The following NLRP1 variants were observed in gnomAD, a reference collection of about 807,000 sequenced individuals.
NLRP1 encodes the protein NACHT, LRR and PYD domains-containing protein 1.
NLRP1 carries 94 observed loss-of-function variants against 136.7 expected under a neutral mutation model. The ratio of observed to expected loss-of-function variants is 0.69; its 90% confidence interval spans 0.58 to 0.82. The LOEUF is 0.82. Among genes scored for constraint, NLRP1 ranks in the 40% least tolerant of loss-of-function variants. The pLI is 0.00. For synonymous variants in NLRP1, 690 were observed against 725.1 expected, an observed-to-expected ratio of 0.95 and a Z score of 0.78; for missense variants, 1,575 against 1,802.7, an observed-to-expected ratio of 0.87 and a Z score of 2.29.
chr17:5,519,408 A>C, intron 14 of NLRP1, among the ~76,000 whole-genome samples: 1 of 146,288 alleles, frequency 6.8e-6, no homozygotes. Flanking sequence ...GAACTCCCAT[A>C]GTGCTGCGAT....
rs1234876798 is a variant in NLRP1 at position 5,536,868 on chromosome 17, C to T, written c.2943G>A (p.Leu981=). ...CCCCTTACCGTCTGCTGAAGATGAG[C>T]AGCTGAGGTTTCTCCTGCTCCAGGG... ...LRALEQEKPQ[L]LIFSRRKPSV... The change falls in exon 8 of 17, where the codon CTG becomes CTA. Residue 981 remains leucine (L), a synonymous_variant. Coordinates refer to ENST00000572272, the MANE Select transcript of NLRP1 (RefSeq NM_033004.4). The T allele has an allele frequency of 6.2e-6, 10 of 1,612,698 alleles. No homozygotes were observed. The highest frequency in any genetic ancestry group is 1.6e-4 in the Middle Eastern group (1 of 6,080).
chr17:5,524,804 T>C (rs1909324269), intron 12 of NLRP1, among the ~76,000 whole-genome samples: 1 of 152,192 alleles, frequency 6.6e-6, no homozygotes, highest in Non-Finnish European at 1.5e-5. Context: ...TTTGCTGAAT[T>C]CCAGAAGGTG....
chr17:5,510,955 C>T (rs1360924204), downstream of NLRP1, among the ~76,000 whole-genome samples: 3 of 152,132 alleles, frequency 2.0e-5, no homozygotes, highest in Non-Finnish European at 4.4e-5. Flanking sequence ...TACCAGCTCG[C>T]CCAGAACAAC....
rs12950235 is a variant in NLRP1 at position 5,558,815 on chromosome 17, T to C, written c.1881A>G (p.Gln627=). 0.05 allele frequency: 80,347 copies of C among 1,614,072 alleles called. 2,374 individuals carry two copies. Among genetic ancestry groups the C allele is most frequent in the African/African-American group, 0.12 (8,635 of 75,004 alleles). The part of the protein sequence containing the change: ...LSYSFIHLCF[Q]EFFAAMSYVL... ...CATAGGACATTGCTGCAAAGAACTC[T>C]TGGAAACAGAGGTGAATGAAGCTGT... The change falls in exon 4 of 17, where the codon CAA becomes CAG. Residue 627 remains glutamine (Q), a synonymous_variant. Transcript: ENST00000572272.
chr17:5,544,716 T>C (rs893676632), intron 5 of NLRP1, among the ~76,000 whole-genome samples: 1 of 152,256 alleles, frequency 6.6e-6, no homozygotes, highest in Non-Finnish European at 1.5e-5. Flanking sequence ...ACTTTCATCC[T>C]GACTTTTGAG....
chr17:5,528,010 A>G (rs1327278393), intron 12 of NLRP1, among the ~76,000 whole-genome samples: 1 of 152,206 alleles, frequency 6.6e-6, no homozygotes, highest in Non-Finnish European at 1.5e-5. Context: ...CTGGTGGTAC[A>G]TTCTGGCTCC....
chr17:5,511,990 G>T, downstream of NLRP1: 1 of 518,354 alleles, frequency 1.9e-6, no homozygotes, highest in Admixed American at 3.0e-5. Context: ...AAGTGGGCCT[G>T]GTTTAGAAAG....
chr17:5,539,162 C>T (rs184191439), intron 7 of NLRP1, among the ~76,000 whole-genome samples: 8 of 152,330 alleles, frequency 5.3e-5, no homozygotes, highest in South Asian at 4.1e-4. Context: ...TGAGCCACCA[C>T]GCCCTGCCTG....
intron 4 of NLRP1, among the ~76,000 whole-genome samples, chr17:5,555,551 T>C (rs991782762): frequency 2.0e-5 from 3 of 151,850 alleles, no homozygotes; most frequent in African/African-American, 7.3e-5. Flanking sequence ...CCAGCCCCCA[T>C]CCCCCGGCCA....
At chr17:5,574,752 C>T (rs1904835808) in intron 3 of NLRP1, among the ~76,000 whole-genome samples, 1 of 151,450 alleles carries the variant, frequency 6.6e-6, no homozygotes, top group Admixed American at 6.6e-5. Flanking sequence ...AGCTCCGCCT[C>T]CCAGGTTCAT....
chr17:5,507,590 C>T lies in NLRP1; in HGVS notation c.4070-5718G>A, dbSNP rs538426164. 2.0e-3 allele frequency among the ~76,000 whole-genome samples: 306 copies of T among 152,032 alleles called. 3 individuals are homozygous for T. The highest frequency in any genetic ancestry group is 0.017 in the Admixed American group (252 of 15,272). On this transcript the variant is annotated intron_variant, in intron 15 of 15. Coordinates refer to the NLRP1 transcript ENST00000262467. ...CACGCCTGTAATCCCACTGGGAGGC[C>T]GAGGCGGGTAGATCACGAGGTCAGG...
At chr17:5,562,797 C>T (rs1914906014) in intron 3 of NLRP1, among the ~76,000 whole-genome samples, 1 of 152,216 alleles carries the variant, frequency 6.6e-6, no homozygotes, top group South Asian at 2.1e-4. Flanking sequence ...TGGCTGGTGC[C>T]ATGTGTGAGT....
chr17:5,569,668 A>G (rs1031128652), intron 3 of NLRP1, among the ~76,000 whole-genome samples: 5 of 152,194 alleles, frequency 3.3e-5, no homozygotes, highest in Admixed American at 3.3e-4. Context: ...ACCATATAGT[A>G]ATAATGGGAG....
Position 5,517,685 on chromosome 17 carries a change from T to A in NLRP1, c.4057+61A>T, listed in dbSNP as rs56750129. On this transcript the variant is annotated intron_variant, in intron 15 of 16. Transcript: ENST00000572272. ...ACAGGCGTGAGCCACTGTGCCCAGCTCCTTCATTGATTTTCTTTCTCCTCC... is the reference window on the plus strand; with the variant it reads ...ACAGGCGTGAGCCACTGTGCCCAGCACCTTCATTGATTTTCTTTCTCCTCC... The A allele has an allele frequency of 0.4, 636,209 of 1,588,956 alleles. 129,225 individuals carry two copies. Among genetic ancestry groups the A allele is most frequent in the Admixed American group, 0.42 (24,584 of 59,218 alleles).
chr17:5,520,065 C>A (rs1008026814), intron 14 of NLRP1, among the ~76,000 whole-genome samples: 4 of 151,476 alleles, frequency 2.6e-5, no homozygotes, highest in Admixed American at 6.6e-5. Context: ...CCATGTTGGC[C>A]AGGCTGGTCT....
rs759288624 is a variant in NLRP1 at position 5,504,353 on chromosome 17, C to T, written c.4070-2481G>A. 1 of 152,136 alleles carries T rather than the reference C, an allele frequency of 6.6e-6. No individual in the cohort carries two copies. The highest frequency in any genetic ancestry group is 1.5e-5 in the Non-Finnish European group (1 of 68,056). The allele number at this position is 152,136 out of a possible 1,614,324, so 9.4% of individuals were successfully genotyped here. On this transcript the variant is annotated intron_variant, in intron 15 of 15. Transcript: ENST00000262467. This position sits in a 1 kb window ranked among gnomAD's most constrained non-coding sequence, Gnocchi z 4.4. ...GACTGCTGGGGGCCGGGTGTGGTGG[C>T]TCACATCTGTAATCCCAGCACTTTG...
At chr17:5,556,248 G>C (rs1436637444) in intron 4 of NLRP1, among the ~76,000 whole-genome samples, 1 of 152,066 alleles carries the variant, frequency 6.6e-6, no homozygotes, top group Non-Finnish European at 1.5e-5. Flanking sequence ...CCAGGAGTTT[G>C]AGACCAGCTT....
intron 3 of NLRP1, among the ~76,000 whole-genome samples, chr17:5,572,046 A>G (rs1904421681): frequency 6.6e-6 from 1 of 152,244 alleles, no homozygotes; most frequent in Non-Finnish European, 1.5e-5. Flanking sequence ...GGCTAGCCAT[A>G]TGCAGAAGAC....
chr17:5,517,416 C>G (rs1290268439), intron 15 of NLRP1, among the ~76,000 whole-genome samples: 2 of 122,566 alleles, frequency 1.6e-5, no homozygotes, highest in Non-Finnish European at 3.2e-5. Flanking sequence ...GGATTGCAGT[C>G]TTGCTCTTTT....
Sources: allele counts gnomAD v4.1 joint callset (sites outside exome capture counted in the v4.1 genomes callset), GRCh38; gene constraint gnomAD v4.1.1; non-coding constraint Gnocchi (gnomAD v3.1); transcripts MANE v1.5; gene names NCBI Gene and HGNC (gene_info 2026-07-23, HGNC 2026-07-21).